The following RTL4 variants were observed in gnomAD, a reference collection of about 807,000 sequenced individuals.
The protein encoded by RTL4 is retrotransposon Gag-like protein 4.
Under a neutral mutation model 5.3 loss-of-function variants are expected in RTL4, and 4 were observed. That is an observed-to-expected ratio of 0.75 (90% CI 0.37 to 1.72). The LOEUF (loss-of-function observed/expected upper bound fraction) is 1.72, where lower values mean the gene tolerates loss of function less well. RTL4 is among the 40% of genes most tolerant of loss of function. The pLI is 0.04. For synonymous variants in RTL4, 98 were observed against 87.3 expected (o/e 1.12, Z -0.68); for missense variants, 260 against 227.1 (o/e 1.14, Z -0.93).
chrX:112,360,640 C>T, the RTL4 span, among the ~76,000 whole-genome samples: 22,549 of 109,507 alleles, frequency 0.21, 1,808 homozygotes, highest in Admixed American at 0.31. Context: ...TATATCACTA[C>T]ATATGCCTGC....
chrX:112,380,220 C>CA, the RTL4 span, among the ~76,000 whole-genome samples: 2 of 108,772 alleles, frequency 1.8e-5, no homozygotes, highest in Non-Finnish European at 1.9e-5. Context: ...AAACTCGACT[C>CA]ACTGCAAGCT....
chrX:112,165,183 A>C, the RTL4 span, among the ~76,000 whole-genome samples: 1 of 111,995 alleles, frequency 8.9e-6, no homozygotes. Flanking sequence ...CATTTCAGAC[A>C]CTCAGAATCC....
At chrX:112,400,757 AG>A in the RTL4 span, among the ~76,000 whole-genome samples, 1 of 112,056 alleles carries the variant, frequency 8.9e-6, no homozygotes, top group Non-Finnish European at 1.9e-5. Flanking sequence ...TGTTTAGTCT[AG>A]GGCTAATTAT....
the RTL4 span, among the ~76,000 whole-genome samples, chrX:112,399,135 ATCTT>A: frequency 8.9e-6 from 1 of 111,869 alleles, no homozygotes; most frequent in African/African-American, 3.2e-5. Context: ...TAACTATAGA[ATCTT>A]TAGTAATGTT....
At chrX:112,160,686 G>T in the RTL4 span, among the ~76,000 whole-genome samples, 28 of 111,488 alleles carry the variant, frequency 2.5e-4, no homozygotes, top group Admixed American at 2.2e-3. Flanking sequence ...TTTGCAGAAG[G>T]TGGGCATTTA....
At chrX:112,155,589 C>A in the RTL4 span, among the ~76,000 whole-genome samples, 2 of 111,098 alleles carry the variant, frequency 1.8e-5, no homozygotes, top group East Asian at 5.7e-4. Flanking sequence ...GATTATGAGG[C>A]TTTTGGTTTT....
the RTL4 span, among the ~76,000 whole-genome samples, chrX:112,199,055 G>A: frequency 6.3e-5 from 7 of 110,687 alleles, no homozygotes; most frequent in Non-Finnish European, 3.8e-5. Context: ...TTGGGAGGCC[G>A]AGGTGAGTGG....
the RTL4 span, among the ~76,000 whole-genome samples, chrX:112,238,956 C>A: frequency 1.8e-5 from 2 of 111,810 alleles, no homozygotes; most frequent in African/African-American, 6.5e-5. Context: ...CTGCCACAGC[C>A]TCCCATTTCG....
the RTL4 span, among the ~76,000 whole-genome samples, chrX:112,443,857 T>C: frequency 8.9e-6 from 1 of 111,897 alleles, no homozygotes; most frequent in African/African-American, 3.2e-5. Flanking sequence ...AATGGGTAGT[T>C]TGCAAATATT....
chrX:112,382,036 A>T, the RTL4 span: 3 of 1,208,857 alleles, frequency 2.5e-6, no homozygotes, highest in Non-Finnish European at 3.4e-6. Context: ...AAGCCCAGAA[A>T]CTAACGGCTA....
chrX:112,223,092 G>A, the RTL4 span, among the ~76,000 whole-genome samples: 2 of 112,398 alleles, frequency 1.8e-5, no homozygotes, highest in Non-Finnish European at 1.9e-5. Context: ...AGAAGGGCCA[G>A]GAGATCATAT....
the RTL4 span, among the ~76,000 whole-genome samples, chrX:112,258,379 A>G: frequency 9.0e-6 from 1 of 110,853 alleles, no homozygotes; most frequent in East Asian, 2.8e-4. Flanking sequence ...GAACACGTGC[A>G]TGTCTGGGAA....
the RTL4 span, among the ~76,000 whole-genome samples, chrX:112,143,544 T>C: frequency 8.9e-6 from 1 of 111,893 alleles, no homozygotes; most frequent in African/African-American, 3.3e-5. Flanking sequence ...GGTGTCTTTA[T>C]TTGCAAGGTC....
At chrX:112,113,691 A>G in the RTL4 span, among the ~76,000 whole-genome samples, 8 of 111,889 alleles carry the variant, frequency 7.1e-5, no homozygotes, top group Non-Finnish European at 1.3e-4. Flanking sequence ...CTTCTGGGGC[A>G]GTGCGCCTTC....
chrX:112,100,258 T>C, the RTL4 span, among the ~76,000 whole-genome samples: 1 of 111,816 alleles, frequency 8.9e-6, no homozygotes, highest in African/African-American at 3.2e-5. Context: ...AGACATGAGA[T>C]TGCATCTGTT....
chrX:112,108,575 C>G, the RTL4 span, among the ~76,000 whole-genome samples: 2 of 111,286 alleles, frequency 1.8e-5, no homozygotes, highest in Non-Finnish European at 3.8e-5. Context: ...AGGCCTGGAA[C>G]TGGACCTACT....
the RTL4 span, among the ~76,000 whole-genome samples, chrX:112,169,061 T>TTTCTTTCTTTC: frequency 2.6e-5 from 1 of 37,778 alleles, no homozygotes; most frequent in African/African-American, 7.8e-5. Flanking sequence ...TCTTTCTTTC[T>TTTCTTTCTTTC]TTCTTTCTTT....
the RTL4 span, among the ~76,000 whole-genome samples, chrX:112,242,853 A>G: frequency 0.24 from 26,268 of 110,372 alleles, 2,945 homozygotes; most frequent in African/African-American, 0.44. Context: ...CACTCTTATT[A>G]TTTTGAAATA....
At chrX:112,146,711 GA>G in the RTL4 span, among the ~76,000 whole-genome samples, 2 of 109,568 alleles carry the variant, frequency 1.8e-5, no homozygotes, top group Non-Finnish European at 3.8e-5. Flanking sequence ...AGGAGGAGGG[GA>G]TGGTCAATTG....
Sources: allele counts gnomAD v4.1 joint callset (sites outside exome capture counted in the v4.1 genomes callset), GRCh38; gene constraint gnomAD v4.1.1; transcripts MANE v1.5; gene names NCBI Gene and HGNC (gene_info 2026-07-23, HGNC 2026-07-21).